The following STK40 variants were observed in gnomAD, a reference collection of about 807,000 sequenced individuals.
STK40 encodes serine/threonine kinase 40.
Under a neutral mutation model 47.9 loss-of-function variants are expected in STK40, and 13 were observed. The ratio of observed to expected loss-of-function variants is 0.27; its 90% CI spans 0.18 to 0.43. The LOEUF (loss-of-function observed/expected upper bound fraction) is 0.43. Among genes scored for constraint, STK40 ranks in the 20% least tolerant of loss-of-function variants. The probability of loss-of-function intolerance (pLI) is 1.00; values close to 1 mark genes in which losing one functional copy is unlikely to be tolerated. For missense variants in STK40, 460 were observed against 595.1 expected (o/e 0.77, Z 2.36); for synonymous variants, 225 against 243.2 (o/e 0.93, Z 0.69).
intron 1 of STK40, among the ~76,000 whole-genome samples, chr1:36,364,248 T>G (rs1374140950): frequency 2.0e-5 from 3 of 151,458 alleles, no homozygotes; most frequent in Non-Finnish European, 4.4e-5. Context: ...CAGAGTCAAG[T>G]GGGGCACATT....
At chr1:36,343,033 G>T in intron 10 of STK40, 1 of 601,554 alleles carries the variant, frequency 1.7e-6, no homozygotes, top group Non-Finnish European at 3.0e-6. Context: ...GGAAGGGTGA[G>T]AGAGAACTCT....
chr1:36,380,977 ACT>A (rs1393122644), intron 1 of STK40, among the ~76,000 whole-genome samples: 1 of 151,710 alleles, frequency 6.6e-6, no homozygotes, highest in Non-Finnish European at 1.5e-5. Context: ...ACTATCATTC[ACT>A]CTGTCACCCA....
chr1:36,353,438 G>A (rs1217738763), intron 6 of STK40, among the ~76,000 whole-genome samples: 1 of 152,170 alleles, frequency 6.6e-6, no homozygotes, highest in Non-Finnish European at 1.5e-5. Flanking sequence ...GAGGCGGGAT[G>A]ACAACCTGAA....
At chr1:36,350,590 A>T (rs1413313720) in intron 6 of STK40, among the ~76,000 whole-genome samples, 2 of 152,238 alleles carry the variant, frequency 1.3e-5, no homozygotes, top group African/African-American at 4.8e-5. Flanking sequence ...CTGGGTTAGG[A>T]TTCAGCAAGA....
intron 1 of STK40, among the ~76,000 whole-genome samples, chr1:36,370,252 G>T (rs1250210777): frequency 2.0e-5 from 3 of 152,230 alleles, no homozygotes; most frequent in Non-Finnish European, 4.4e-5. Flanking sequence ...CTGATGAAGG[G>T]ATGGACCAGG....
At chr1:36,370,495 TG>T (rs1272601838) in intron 1 of STK40, among the ~76,000 whole-genome samples, 12 of 152,164 alleles carry the variant, frequency 7.9e-5, no homozygotes, top group Non-Finnish European at 1.3e-4. Flanking sequence ...TGACTACACC[TG>T]GGGTGAAATG....
At chr1:36,376,444 G>A (rs1243656391) in intron 1 of STK40, among the ~76,000 whole-genome samples, 2 of 152,172 alleles carry the variant, frequency 1.3e-5, no homozygotes, top group African/African-American at 2.4e-5. Context: ...TGCCAGTTCC[G>A]GGGATGGATC....
intron 1 of STK40, among the ~76,000 whole-genome samples, chr1:36,377,446 T>C (rs1647000751): frequency 6.7e-6 from 1 of 150,206 alleles, no homozygotes; most frequent in Admixed American, 6.6e-5. Context: ...GGCAGGAGAA[T>C]TGCTTGAACC....
At chr1:36,345,369 C>A (rs1011256223) in intron 7 of STK40, among the ~76,000 whole-genome samples, 1 of 152,220 alleles carries the variant, frequency 6.6e-6, no homozygotes. Flanking sequence ...CCTCAGCCTG[C>A]GTCTTCAGAA....
rs753031343 is a variant in STK40, at chr1:36,348,761, C to T, written c.678G>A (p.Glu226=). The T allele has an allele frequency of 3.7e-6, 6 of 1,610,892 alleles. No individual in the cohort carries two copies. The highest frequency in any genetic ancestry group is 2.7e-5 in the African/African-American group (2 of 74,842). ...CTCTCTGGTCCTTCAGCAGGTCCCC[C>T]TCGCTCACCAGATGCTTCCCGAGGC... ...NFCLGKHLVS[E]GDLLKDQRGS... Residue 226 remains glutamate (E), a synonymous_variant, in exon 7 of 11, where the codon GAG becomes GAA. Coordinates refer to ENST00000373132, the MANE Select transcript of STK40 (RefSeq NM_001282547.2).
At chr1:36,354,287 A>G in intron 6 of STK40, 77 bp downstream of exon 6, 1 of 1,506,960 alleles carries the variant, frequency 6.6e-7, no homozygotes, top group South Asian at 1.1e-5. Flanking sequence ...AGGACACTTC[A>G]GGGCACTGGA....
At chr1:36,349,297 C>T (rs1461386353) in intron 6 of STK40, among the ~76,000 whole-genome samples, 2 of 152,358 alleles carry the variant, frequency 1.3e-5, no homozygotes, top group East Asian at 1.9e-4. Flanking sequence ...GAGCCACCTC[C>T]GAACCACGGA....
chr1:36,365,456 G>A (rs370330152), intron 1 of STK40, among the ~76,000 whole-genome samples: 9 of 152,322 alleles, frequency 5.9e-5, no homozygotes, highest in African/African-American at 2.2e-4. Flanking sequence ...GAATAACTAG[G>A]ATTGTGTAAC....
chr1:36,358,677 G>A (rs774137338), intron 3 of STK40, 60 bp downstream of exon 3: 3 of 1,549,634 alleles, frequency 1.9e-6, no homozygotes, highest in Non-Finnish European at 8.9e-7. Flanking sequence ...GAGGAGGGAG[G>A]AGTGGGTTGG....
At chr1:36,383,513 G>A (rs1038283291) in intron 1 of STK40, among the ~76,000 whole-genome samples, 10 of 152,240 alleles carry the variant, frequency 6.6e-5, no homozygotes, top group African/African-American at 2.4e-4. Flanking sequence ...CATCGCCCCA[G>A]CACCAACTCT....
chr1:36,375,013 G>A (rs889241588), intron 1 of STK40, among the ~76,000 whole-genome samples: 10 of 152,154 alleles, frequency 6.6e-5, no homozygotes, highest in Non-Finnish European at 1.3e-4. Flanking sequence ...ATCAGGCAAG[G>A]AGAAAGCAGC....
Position 36,355,401 on chromosome 1 carries a change from TTC to T in STK40, c.373_374del (p.Glu125IlefsTer6). On this transcript the variant is annotated frameshift_variant, in exon 5 of 11. Transcript: ENST00000373132. LOFTEE classifies it high-confidence loss of function. ...TCATCTTCTTAACCATCCGGCTGGA[TTC>T]TGTGTCCTCAACGATTTCACAGGTG... ...DRTCEIVEDT[E>X]SSRMVKKMKK... 6.2e-7 allele frequency: 1 copy of T among 1,614,162 alleles called. No individual in the cohort carries two copies. The highest frequency in any genetic ancestry group is 1.1e-5 in the South Asian group (1 of 91,076).
At chr1:36,354,772 G>A (rs1442073805) in intron 5 of STK40, among the ~76,000 whole-genome samples, 1 of 152,138 alleles carries the variant, frequency 6.6e-6, no homozygotes, top group Admixed American at 6.5e-5. Flanking sequence ...ATGGCTTTGT[G>A]ACTAAGTACC....
At chr1:36,369,617 GA>G (rs1373861058) in intron 1 of STK40, among the ~76,000 whole-genome samples, 1 of 152,204 alleles carries the variant, frequency 6.6e-6, no homozygotes, top group Non-Finnish European at 1.5e-5. Flanking sequence ...ACCTGCTGCA[GA>G]AAGTCTTCAC....
Sources: gnomAD v4.1 joint callset for allele counts (sites outside exome capture counted in the v4.1 genomes callset) on GRCh38, gnomAD v4.1.1 for gene constraint, MANE v1.5 for transcripts, NCBI Gene and HGNC (gene_info 2026-07-23, HGNC 2026-07-21) for gene names.